STMN2: variants seen among roughly 807,000 people sequenced by gnomAD.
STMN2 encodes the protein stathmin 2.
A neutral mutation model predicts 24.1 loss-of-function variants in STMN2; 2 were observed. The ratio of observed to expected loss-of-function variants is 0.08; its 90% confidence interval spans 0.03 to 0.26. STMN2 has a LOEUF of 0.26. Among genes scored for constraint, STMN2 ranks in the 10% least tolerant of loss-of-function variants. STMN2 has a pLI of 1.00. For missense variants in STMN2, 114 were observed against 213.6 expected, an observed-to-expected ratio of 0.53 and a Z score of 2.91; for synonymous variants, 83 against 77.5, an observed-to-expected ratio of 1.07 and a Z score of -0.37.
chr8:79,629,388 A>G (rs943809691), intron 1 of STMN2, among the ~76,000 whole-genome samples: 7 of 152,322 alleles, frequency 4.6e-5, no homozygotes, highest in African/African-American at 9.6e-5. Flanking sequence ...GTCATTCAGG[A>G]GGAAACTCTT....
chr8:79,625,925 C>T (rs1281705912), intron 1 of STMN2, among the ~76,000 whole-genome samples: 1 of 152,184 alleles, frequency 6.6e-6, no homozygotes, highest in Non-Finnish European at 1.5e-5. Context: ...TGCCACTGCA[C>T]TCCAGCCTGG....
intron 3 of STMN2, among the ~76,000 whole-genome samples, chr8:79,649,192 G>C (rs1810282115): frequency 6.6e-6 from 1 of 151,992 alleles, no homozygotes; most frequent in South Asian, 2.1e-4. Flanking sequence ...TATAGCAATG[G>C]ATTATGAAAC....
chr8:79,663,349 C>T (rs1339928398), intron 4 of STMN2, among the ~76,000 whole-genome samples: 2 of 152,172 alleles, frequency 1.3e-5, no homozygotes, highest in African/African-American at 4.8e-5. Flanking sequence ...GGGCAAGTTA[C>T]TTACCCTTCC....
chr8:79,649,000 G>A (rs1411996958), intron 3 of STMN2, among the ~76,000 whole-genome samples: 1 of 152,034 alleles, frequency 6.6e-6, no homozygotes, highest in Non-Finnish European at 1.5e-5. Flanking sequence ...TCTCATTACT[G>A]GCATAATCAG....
At position 79,659,079 on chromosome 8, in the gene STMN2, A is replaced by G. The variant is rs1251687617; in HGVS notation, c.480+4017A>G. Among the ~76,000 whole-genome samples, 6 of 152,342 alleles carry G rather than the reference A, an allele frequency of 3.9e-5. No individual in the cohort carries two copies. The South Asian group carries it at 6.2e-4, about 16-fold the overall frequency. On this transcript the variant is annotated intron_variant, in intron 4 of 4. Transcript: ENST00000220876. ...TTTTAGTATTTTTTGTCTTTGTTGC[A>G]TAAGTGTTCTTTCTTCCTCCAAAGA... is the stretch of plus-strand genomic sequence containing the variant.
intron 3 of STMN2, among the ~76,000 whole-genome samples, chr8:79,649,382 T>C (rs1157696109): frequency 2.0e-5 from 3 of 152,140 alleles, no homozygotes; most frequent in African/African-American, 7.2e-5. Context: ...GAAGGGCTCA[T>C]TCTAAAGGTC....
chr8:79,621,300 G>A (rs1472612068), intron 1 of STMN2, among the ~76,000 whole-genome samples: 1 of 152,206 alleles, frequency 6.6e-6, no homozygotes, highest in Non-Finnish European at 1.5e-5. Flanking sequence ...CTGTCAAGTA[G>A]TATATAAATG....
chr8:79,636,075 G>A (rs1563439779), intron 1 of STMN2, among the ~76,000 whole-genome samples: 1 of 152,050 alleles, frequency 6.6e-6, no homozygotes, highest in Non-Finnish European at 1.5e-5. Flanking sequence ...AAATTATCCA[G>A]GCATGGTGGA....
At chr8:79,636,457 C>T (rs185160670) in intron 1 of STMN2, among the ~76,000 whole-genome samples, 4 of 152,302 alleles carry the variant, frequency 2.6e-5, no homozygotes, top group Non-Finnish European at 5.9e-5. Flanking sequence ...GCCTCTCTCT[C>T]TGGTAATCAT....
At chr8:79,611,431 C>T (rs1181078220) in intron 1 of STMN2, among the ~76,000 whole-genome samples, 1 of 152,084 alleles carries the variant, frequency 6.6e-6, no homozygotes, top group South Asian at 2.1e-4. Context: ...AAGGTAGAAG[C>T]GGGTAAGTTG....
At chr8:79,643,939 T>C (rs1470092545) in intron 3 of STMN2, among the ~76,000 whole-genome samples, 2 of 151,616 alleles carry the variant, frequency 1.3e-5, no homozygotes, top group East Asian at 3.9e-4. Flanking sequence ...GCCCTAGTGG[T>C]CGGGTTTTAT....
chr8:79,611,871 T>G, intron 1 of STMN2: 7 of 229,152 alleles, frequency 3.1e-5, no homozygotes, highest in Non-Finnish European at 4.0e-5. Context: ...AGAGAGGAAG[T>G]CGCGGAGGGC....
At chr8:79,634,006 T>C (rs1563438992) in intron 1 of STMN2, among the ~76,000 whole-genome samples, 1 of 152,240 alleles carries the variant, frequency 6.6e-6, no homozygotes, top group East Asian at 1.9e-4. Context: ...CATCTGTTAC[T>C]ACTTTGTGAG....
chr8:79,652,244 C>T (rs1810348622), intron 3 of STMN2, among the ~76,000 whole-genome samples: 1 of 152,186 alleles, frequency 6.6e-6, no homozygotes, highest in South Asian at 2.1e-4. Flanking sequence ...GGGCTCTAAC[C>T]CAATTCCTAA....
chr8:79,633,093 G>A (rs1585887752), intron 1 of STMN2, among the ~76,000 whole-genome samples: 1 of 151,976 alleles, frequency 6.6e-6, no homozygotes, highest in African/African-American at 2.4e-5. Context: ...TTTGTTTCCC[G>A]ATGACATACC....
rs1810329864 is a variant in STMN2 at position 79,651,312 on chromosome 8, C to T, written c.289-3559C>T. On this transcript the variant is annotated intron_variant, in intron 3 of 4. Coordinates refer to ENST00000220876, the MANE Select transcript of STMN2 (RefSeq NM_007029.4). ...TGTGCTAAAGAAATGCACTTGACACCTATGCTGTGTAATCTCATTTAGCCC... is the reference window on the plus strand; with the variant it reads ...TGTGCTAAAGAAATGCACTTGACACTTATGCTGTGTAATCTCATTTAGCCC... 1.3e-5 allele frequency among the ~76,000 whole-genome samples: 2 copies of T among 152,184 alleles called. 1 individual carries two copies. The highest frequency in any genetic ancestry group is 4.1e-4 in the South Asian group (2 of 4,832).
At chr8:79,627,682 T>C (rs968709142) in intron 1 of STMN2, among the ~76,000 whole-genome samples, 2 of 152,180 alleles carry the variant, frequency 1.3e-5, no homozygotes, top group Non-Finnish European at 2.9e-5. Context: ...ATAGGTAATA[T>C]TTTATGCCTA....
chr8:79,652,626 AGT>A (rs1334443123), intron 3 of STMN2, among the ~76,000 whole-genome samples: 2 of 151,998 alleles, frequency 1.3e-5, no homozygotes, highest in African/African-American at 4.8e-5. Flanking sequence ...CCTTGTCACA[AGT>A]GTCTTAAATT....
At chr8:79,633,003 TCTTCCCTTTTTTTTCTCTTTG>T (rs1222110503) in intron 1 of STMN2, among the ~76,000 whole-genome samples, 3 of 149,662 alleles carry the variant, frequency 2.0e-5, no homozygotes, top group African/African-American at 7.3e-5. Context: ...TCATTAAGTC[TCTTCCCTTTTTTTTCTCTTTG>T]CACTATTTCC....
Sources: allele counts gnomAD v4.1 joint callset (sites outside exome capture counted in the v4.1 genomes callset), GRCh38; gene constraint gnomAD v4.1.1; transcripts MANE v1.5; gene names NCBI Gene and HGNC (gene_info 2026-07-23, HGNC 2026-07-21).